WLS: variants seen among roughly 807,000 people sequenced by gnomAD.
WLS encodes the protein Wnt ligand secretion mediator, also known as protein wntless homolog.
In WLS, 23 loss-of-function variants were observed where a neutral mutation model predicts 62.8. The observed-to-expected ratio is 0.37, with a 90% CI of 0.26 to 0.52. The LOEUF (loss-of-function observed/expected upper bound fraction) is 0.52. Ranked by LOEUF, WLS falls within the 20% of genes least tolerant of loss-of-function variation. WLS has a pLI of 0.92. For missense variants in WLS, 615 were observed against 697.3 expected, an observed-to-expected ratio of 0.88 and a Z score of 1.33; for synonymous variants, 246 against 244.1, an observed-to-expected ratio of 1.01 and a Z score of -0.07.
chr1:68,139,003 A>G lies in WLS; in HGVS notation c.1363-1070T>C, dbSNP rs576047089. 3.3e-5 allele frequency among the ~76,000 whole-genome samples: 5 copies of G among 152,334 alleles called. No individual in the cohort carries two copies. The East Asian group carries it at 9.6e-4, about 29-fold the overall frequency. ...GTGTTCATTATCTTCTGTATAATCC[A>G]TAACCCACTTGGGGCCCTAGGCCAA... On this transcript the variant is annotated intron_variant, in intron 10 of 11. Coordinates refer to ENST00000262348, the MANE Select transcript of WLS (RefSeq NM_024911.7).
At chr1:68,194,694 C>A (rs957001801) in intron 1 of WLS, among the ~76,000 whole-genome samples, 1 of 152,156 alleles carries the variant, frequency 6.6e-6, no homozygotes, top group African/African-American at 2.4e-5. Flanking sequence ...AGCTTCAGGA[C>A]CCTCATCTGA....
intron 10 of WLS, 137 bp from the exon 11 acceptor site, chr1:68,138,070 A>G: frequency 3.2e-6 from 3 of 946,214 alleles, no homozygotes; most frequent in East Asian, 2.6e-5. Flanking sequence ...GTAAGACTCC[A>G]TCTTTTAATC....
chr1:68,161,391 A>C (rs1034711233), intron 2 of WLS, among the ~76,000 whole-genome samples: 4 of 152,112 alleles, frequency 2.6e-5, no homozygotes, highest in African/African-American at 9.7e-5. Context: ...AATATTTTTT[A>C]TTTTGTTGTT....
chr1:68,212,090 C>T (rs907889948), intron 1 of WLS, among the ~76,000 whole-genome samples: 5 of 152,076 alleles, frequency 3.3e-5, no homozygotes, highest in Non-Finnish European at 1.5e-5. Context: ...CTTTTTTGAT[C>T]GCTGAGTCTT....
chr1:68,215,639 C>A (rs1011252390), intron 1 of WLS, among the ~76,000 whole-genome samples: 1 of 152,176 alleles, frequency 6.6e-6, no homozygotes, highest in Non-Finnish European at 1.5e-5. Flanking sequence ...AAGAAGATTT[C>A]TCCAGTATTG....
chr1:68,124,441 A>G (rs148825271), downstream of WLS, among the ~76,000 whole-genome samples: 9 of 152,236 alleles, frequency 5.9e-5, no homozygotes, highest in African/African-American at 2.2e-4. Flanking sequence ...TCTTTCTTCT[A>G]TGATTTTTGT....
At chr1:68,174,013 A>C (rs1647193051) in intron 2 of WLS, among the ~76,000 whole-genome samples, 1 of 152,140 alleles carries the variant, frequency 6.6e-6, no homozygotes, top group African/African-American at 2.4e-5. Context: ...GAAGCAAACC[A>C]TTTCTTTCCC....
At chr1:68,212,613 A>G (rs1301830194) in intron 1 of WLS, among the ~76,000 whole-genome samples, 1 of 152,186 alleles carries the variant, frequency 6.6e-6, no homozygotes, top group Non-Finnish European at 1.5e-5. Context: ...TACTCAAATA[A>G]TATTACCTAA....
intron 11 of WLS, among the ~76,000 whole-genome samples, chr1:68,137,438 G>T (rs1646626619): frequency 1.3e-5 from 2 of 152,136 alleles, no homozygotes. Flanking sequence ...CAAATGGGAA[G>T]AATAAACATG....
intron 10 of WLS, among the ~76,000 whole-genome samples, chr1:68,141,160 A>G (rs1179498007): frequency 6.6e-6 from 1 of 152,168 alleles, no homozygotes; most frequent in Non-Finnish European, 1.5e-5. Context: ...TTGACAACCA[A>G]CATTCCACTT....
chr1:68,118,858 C>T (rs752200753), intron 11 of WLS, among the ~76,000 whole-genome samples: 4 of 95,900 alleles, frequency 4.2e-5, no homozygotes, highest in Non-Finnish European at 5.7e-5. Flanking sequence ...GCCTGGGTGA[C>T]GAGCAAGACT....
At position 68,153,547 on chromosome 1, in the gene WLS, A is replaced by C; in HGVS notation, c.773T>G (p.Met258Arg). 1.2e-6 allele frequency: 2 copies of C among 1,614,192 alleles called. No individual in the cohort carries two copies. Among genetic ancestry groups the C allele is most frequent in the Non-Finnish European group, 1.7e-6 (2 of 1,180,034 alleles). The change falls in exon 5 of 12, where the codon ATG becomes AGG. Residue 258 changes from methionine to arginine, a missense_variant. By Grantham distance (91) the Met-to-Arg change is moderately conservative (BLOSUM62 -1). Coordinates refer to ENST00000262348, the MANE Select transcript of WLS (RefSeq NM_024911.7). ...CAGAAGCACTGGGGGTCGGGACATC[A>C]TGGTGATCCTCCTCCAATACCACAC... is the stretch of plus-strand genomic sequence containing the variant. ...IMVWYWRRIT[M>R]MSRPPVLLEK...
intron 2 of WLS, among the ~76,000 whole-genome samples, chr1:68,188,530 T>C (rs1271642537): frequency 2.6e-5 from 4 of 152,126 alleles, no homozygotes; most frequent in Admixed American, 2.0e-4. Flanking sequence ...ACAAGGCCAG[T>C]AATGAAGAAT....
At chr1:68,191,828 C>A (rs1648323085) in intron 2 of WLS, among the ~76,000 whole-genome samples, 1 of 151,994 alleles carries the variant, frequency 6.6e-6, no homozygotes, top group Admixed American at 6.6e-5. Context: ...TTTTGCTCAT[C>A]CTCACCTCCT....
At position 68,137,952 on chromosome 1, in the gene WLS, G is replaced by A. The variant is rs1446103157; in HGVS notation, c.1363-19C>T. On this transcript the variant is annotated intron_variant, in intron 10 of 11. Transcript: ENST00000262348. Reference sequence around the variant, plus strand: ...CCGTTACCTGCGGAGAAAGGATGGTGATATTCAATTGAAACAGAGAAGAAA... The same window carrying A: ...CCGTTACCTGCGGAGAAAGGATGGTAATATTCAATTGAAACAGAGAAGAAA... 3.7e-6 allele frequency: 6 copies of A among 1,612,958 alleles called. No individual in the cohort carries two copies. Among genetic ancestry groups the A allele is most frequent in the South Asian group, 1.1e-5 (1 of 90,926 alleles).
At chr1:68,151,799 G>A (rs569157731) in intron 5 of WLS, among the ~76,000 whole-genome samples, 3 of 152,248 alleles carry the variant, frequency 2.0e-5, no homozygotes, top group South Asian at 4.1e-4. Context: ...GGGCTTATAG[G>A]TCAGGGCAAA....
intron 5 of WLS, among the ~76,000 whole-genome samples, chr1:68,152,649 G>T (rs1274169648): frequency 6.6e-6 from 1 of 152,200 alleles, no homozygotes; most frequent in South Asian, 2.1e-4. Context: ...AGACTGGAAA[G>T]GACTCAAGAG....
intron 1 of WLS, among the ~76,000 whole-genome samples, chr1:68,199,467 GGAGGGAAGGTGCT>G (rs1380745719): frequency 6.6e-6 from 1 of 152,178 alleles, no homozygotes; most frequent in Non-Finnish European, 1.5e-5. Flanking sequence ...GGATGGCCAA[GGAGGGAAGGTGCT>G]GAGGTAGAGA....
chr1:68,163,089 A>G lies in WLS; in HGVS notation c.380-3842T>C, dbSNP rs190462520. ...GACTTTGTGCTTATCCACAAGGGCC[A>G]TACTTTATGGAACTTTGCAACTCTC... On this transcript the variant is annotated intron_variant, in intron 2 of 11. Coordinates refer to ENST00000262348, the MANE Select transcript of WLS (RefSeq NM_024911.7). 181 of 1,560,876 alleles carry G rather than the reference A, an allele frequency of 1.2e-4. No individual in the cohort carries two copies. In the African/African-American group the frequency reaches 2.0e-3, roughly 17 times the overall value.
Sources: allele counts gnomAD v4.1 joint callset (sites outside exome capture counted in the v4.1 genomes callset), GRCh38; gene constraint gnomAD v4.1.1; transcripts MANE v1.5; gene names NCBI Gene and HGNC (gene_info 2026-07-23, HGNC 2026-07-21).